DACH2: variants seen among roughly 807,000 people sequenced by gnomAD.
DACH2 encodes the protein dachshund homolog 2.
Under a neutral mutation model 35.8 loss-of-function variants are expected in DACH2, and 17 were observed. The ratio of observed to expected loss-of-function variants is 0.48; its 90% CI spans 0.33 to 0.71. The LOEUF (loss-of-function observed/expected upper bound fraction) is 0.71, where lower values mean the gene tolerates loss of function less well. Ranked by LOEUF, DACH2 falls within the 30% of genes least tolerant of loss-of-function variation. The pLI, the probability that DACH2 is intolerant of heterozygous loss-of-function variation, is 0.02. For missense variants in DACH2, 469 were observed against 472.7 expected (o/e 0.99, Z 0.07); for synonymous variants, 195 against 177.3 (o/e 1.10, Z -0.79).
chrX:86,765,887 C>G (rs142452907), intron 7 of DACH2, among the ~76,000 whole-genome samples: 1,417 of 108,277 alleles, frequency 0.013, 17 homozygotes, highest in Non-Finnish European at 0.023. Flanking sequence ...AATCCATGAG[C>G]ATGGAATATT....
At chrX:86,599,740 C>A (rs1164452099) in intron 3 of DACH2, among the ~76,000 whole-genome samples, 1 of 110,466 alleles carries the variant, frequency 9.1e-6, no homozygotes, top group Admixed American at 9.8e-5. Context: ...AAGTGATCCA[C>A]CTGCCTCAGC....
At chrX:86,260,985 C>T (rs1411818588) in intron 1 of DACH2, among the ~76,000 whole-genome samples, 3 of 112,148 alleles carry the variant, frequency 2.7e-5, no homozygotes, top group Non-Finnish European at 3.8e-5. Context: ...TCTTACTTAA[C>T]GTTGCCCAGT....
At position 86,443,300 on chromosome X, in the gene DACH2, C is replaced by T. The variant is rs183631113; in HGVS notation, c.527+66438C>T. On this transcript the variant is annotated intron_variant, in intron 2 of 11. Transcript: ENST00000373125. ...CCCATTGATTAATTTTTTTCTTAAA[C>T]ATTTTATTTTTTGTACCTATTGATA... 1.8e-4 allele frequency among the ~76,000 whole-genome samples: 20 copies of T among 111,041 alleles called. No individual in the cohort carries two copies. In the East Asian group the frequency reaches 5.7e-3, roughly 31 times the overall value.
chrX:86,291,622 T>G (rs1490030120), intron 1 of DACH2, among the ~76,000 whole-genome samples: 4 of 108,926 alleles, frequency 3.7e-5, no homozygotes, highest in Non-Finnish European at 7.6e-5. Context: ...TTATTGAGAG[T>G]GTTTAGCATG....
intron 4 of DACH2, among the ~76,000 whole-genome samples, chrX:86,667,486 GGAAAGAAAGAAAGAGAAAGAAA>G (rs2040693699): frequency 1.2e-5 from 1 of 82,762 alleles, no homozygotes; most frequent in African/African-American, 4.6e-5. Flanking sequence ...AAAGAAGGAA[GGAAAGAAAGAAAGAGAAAGAAA>G]GAAAGAAAGA....
At chrX:86,293,568 T>A (rs1190731822) in intron 1 of DACH2, among the ~76,000 whole-genome samples, 1 of 110,727 alleles carries the variant, frequency 9.0e-6, no homozygotes, top group Admixed American at 9.6e-5. Flanking sequence ...GTACCGGTTG[T>A]TCCTTTCCAT....
chrX:86,735,424 T>C (rs2147254813), intron 6 of DACH2, among the ~76,000 whole-genome samples: 1 of 112,004 alleles, frequency 8.9e-6, no homozygotes, highest in Admixed American at 9.5e-5. Flanking sequence ...TCAAATGTAC[T>C]TTCAAATAAT....
intron 1 of DACH2, among the ~76,000 whole-genome samples, chrX:86,151,536 AT>A (rs1338263832): frequency 9.0e-6 from 1 of 111,405 alleles, no homozygotes; most frequent in African/African-American, 3.3e-5. Context: ...CTAAATTGCA[AT>A]TTTAGATAGA....
At chrX:86,419,494 C>G (rs1200502833) in intron 2 of DACH2, among the ~76,000 whole-genome samples, 1 of 111,414 alleles carries the variant, frequency 9.0e-6, no homozygotes, top group Non-Finnish European at 1.9e-5. Flanking sequence ...ACCATCAGAT[C>G]TCGTGAGACT....
At chrX:86,399,761 G>C (rs1340934746) in intron 2 of DACH2, among the ~76,000 whole-genome samples, 2 of 112,098 alleles carry the variant, frequency 1.8e-5, no homozygotes, top group East Asian at 5.7e-4. Flanking sequence ...CTGTTAGTCT[G>C]ATGGGCTTTC....
intron 6 of DACH2, among the ~76,000 whole-genome samples, chrX:86,724,418 G>A (rs755514379): frequency 9.0e-6 from 1 of 111,497 alleles, no homozygotes; most frequent in Non-Finnish European, 1.9e-5. Context: ...TTGCTTGTCT[G>A]GGAAATCTTT....
intron 1 of DACH2, among the ~76,000 whole-genome samples, chrX:86,366,141 C>G: frequency 9.0e-6 from 1 of 110,834 alleles, no homozygotes. Flanking sequence ...AGGAGATATC[C>G]ATTTGGTGCT....
intron 5 of DACH2, among the ~76,000 whole-genome samples, chrX:86,697,458 C>T (rs1251377978): frequency 1.8e-5 from 2 of 111,170 alleles, no homozygotes; most frequent in African/African-American, 6.6e-5. Context: ...TACATCATTT[C>T]TGGCTTTAAA....
chrX:86,288,432 C>T (rs1275083179), intron 1 of DACH2, among the ~76,000 whole-genome samples: 1 of 112,104 alleles, frequency 8.9e-6, no homozygotes, highest in African/African-American at 3.2e-5. Context: ...CTACAATCAG[C>T]AGTAGAAAAG....
In DACH2 at chrX:86,148,477, C is replaced by A; in HGVS notation, c.-144C>A. ...CTGTTTGTTGAGCTTGAGCGTGAGCCGGCTGCTGAAGACTTGCGAACAGTT... is the reference window on the plus strand; with the variant it reads ...CTGTTTGTTGAGCTTGAGCGTGAGCAGGCTGCTGAAGACTTGCGAACAGTT... On this transcript the variant is annotated 5_prime_UTR_variant, in exon 1 of 12. Coordinates refer to ENST00000373125, the MANE Select transcript of DACH2 (RefSeq NM_053281.3). 1.5e-6 allele frequency: 1 copy of A among 665,667 alleles called. No individual in the cohort carries two copies. The highest frequency in any genetic ancestry group is 2.2e-6 in the Non-Finnish European group (1 of 455,955). 54.9% of individuals were successfully genotyped at this position (665,667 alleles called of 1,213,427 possible). A position where few individuals can be genotyped will look rare whatever the true frequency, so the allele number is the denominator to read the frequency against.
chrX:86,248,744 C>T (rs980838562), intron 1 of DACH2, among the ~76,000 whole-genome samples: 1 of 111,003 alleles, frequency 9.0e-6, no homozygotes, highest in Non-Finnish European at 1.9e-5. Context: ...TGAAACAATC[C>T]TAAGTAAAAA....
chrX:86,173,098 A>G (rs2031178546), intron 1 of DACH2, among the ~76,000 whole-genome samples: 2 of 112,037 alleles, frequency 1.8e-5, no homozygotes, highest in South Asian at 7.5e-4. Flanking sequence ...GGATGCTTTC[A>G]GAAAGATTTT....
intron 7 of DACH2, among the ~76,000 whole-genome samples, chrX:86,787,161 T>A (rs895034042): frequency 8.9e-6 from 1 of 111,976 alleles, no homozygotes; most frequent in Non-Finnish European, 1.9e-5. Flanking sequence ...CTAATACAAT[T>A]GCCTTTAAAG....
chrX:86,483,044 C>T (rs1005229628), intron 2 of DACH2, among the ~76,000 whole-genome samples: 4 of 105,998 alleles, frequency 3.8e-5, no homozygotes, highest in East Asian at 3.0e-4. Flanking sequence ...TGCTAGATGA[C>T]GAGTTAGTGG....
Sources: allele counts gnomAD v4.1 joint callset (sites outside exome capture counted in the v4.1 genomes callset), GRCh38; gene constraint gnomAD v4.1.1; transcripts MANE v1.5; gene names NCBI Gene and HGNC (gene_info 2026-07-23, HGNC 2026-07-21).